The following MPG variants were observed in gnomAD, a reference collection of about 807,000 sequenced individuals.
MPG encodes N-methylpurine DNA glycosylase, also known as DNA-3-methyladenine glycosylase.
A neutral mutation model predicts 31.7 loss-of-function variants in MPG; 33 were observed. The observed-to-expected ratio is 1.04, with a 90% confidence interval of 0.79 to 1.39. MPG has a LOEUF of 1.39. MPG is among the 40% of genes most tolerant of loss of function. The pLI, the probability that MPG is intolerant of heterozygous loss-of-function variation, is 0.00. For synonymous variants in MPG, 202 were observed against 169.2 expected, an observed-to-expected ratio of 1.19 and a Z score of -1.51; for missense variants, 455 against 415.5, an observed-to-expected ratio of 1.10 and a Z score of -0.83.
At chr16:80,480 T>C (rs3176402) in intron 2 of MPG, among the ~76,000 whole-genome samples, 96 of 152,338 alleles carry the variant, frequency 6.3e-4, no homozygotes, top group African/African-American at 2.3e-3. Flanking sequence ...GAGAACATTC[T>C]GTCCCCATGC....
At chr16:80,472 G>A (rs1214143071) in intron 2 of MPG, among the ~76,000 whole-genome samples, 1 of 152,230 alleles carries the variant, frequency 6.6e-6, no homozygotes, top group Non-Finnish European at 1.5e-5. Context: ...GGAGAACAGA[G>A]AACATTCTGT....
chr16:78,538 G>C (rs1320282559), intron 1 of MPG, among the ~76,000 whole-genome samples: 1 of 152,206 alleles, frequency 6.6e-6, no homozygotes, highest in Non-Finnish European at 1.5e-5. Flanking sequence ...CCCACGGCGC[G>C]CTGGCAGCGC....
upstream of MPG, chr16:78,121 C>T (rs1310748989): frequency 2.2e-5 from 8 of 362,958 alleles, no homozygotes; most frequent in Non-Finnish European, 3.4e-5. Flanking sequence ...GAGGATCCAC[C>T]TCCACGTGGC....
rs1271976685 is a variant in MPG, at chr16:85,646, G to T, written c.751G>T (p.Val251Leu). Residue 251 changes from valine (V) to leucine (L), a missense_variant, in exon 4 of 4, where the codon GTA (valine) becomes TTA (leucine). By Grantham distance (32) the Val-to-Leu change is conservative. Transcript: ENST00000356432. ...TCCCCTGGAGCCCAGTGAGCCGGCT[G>T]TAGTGGCAGCAGCCCGGGTGGGCGT... Reference protein sequence around the residue: ...RGPLEPSEPAVVAAARVGVGH... With the variant: ...RGPLEPSEPALVAAARVGVGH... 6.3e-7 allele frequency: 1 copy of T among 1,590,950 alleles called. No individual in the cohort carries two copies. Among genetic ancestry groups the T allele is most frequent in the Non-Finnish European group, 8.6e-7 (1 of 1,164,432 alleles).
Position 85,763 on chromosome 16 carries a change from G to A in MPG, c.868G>A (p.Asp290Asn), listed in dbSNP as rs748046554. The change falls in exon 4 of 4, where the codon GAC becomes AAC. Residue 290 changes from aspartate to asparagine, a missense_variant. Transcript: ENST00000356432. ...TGTGGTCGACAGAGTGGCTGAGCAGGACACACAGGCCTGAGCAAAGGGCCT... is the reference window on the plus strand; with the variant it reads ...TGTGGTCGACAGAGTGGCTGAGCAGAACACACAGGCCTGAGCAAAGGGCCT... Reference protein sequence around the residue: ...VSVVDRVAEQDTQA With the variant: ...VSVVDRVAEQNTQA 2.0e-6 allele frequency: 3 copies of A among 1,509,192 alleles called. No individual in the cohort carries two copies. The highest frequency in any genetic ancestry group is 4.5e-5 in the Admixed American group (2 of 44,088). The allele number at this position is 1,509,192 out of a possible 1,614,324, so 93.5% of individuals were successfully genotyped here. A position where few individuals can be genotyped will look rare whatever the true frequency, so the allele number is the denominator to read the frequency against.
chr16:84,830 G>T (rs1898375505), intron 3 of MPG, among the ~76,000 whole-genome samples: 1 of 152,172 alleles, frequency 6.6e-6, no homozygotes, highest in Non-Finnish European at 1.5e-5. Flanking sequence ...CCAACATCCG[G>T]TGCACACTGG....
intron 2 of MPG, among the ~76,000 whole-genome samples, chr16:80,184 C>T (rs1898202124): frequency 6.6e-6 from 1 of 152,222 alleles, no homozygotes; most frequent in Admixed American, 6.5e-5. Context: ...CAGGTCCCAT[C>T]CTGGTGGGGC....
chr16:83,224 G>C lies in MPG; in HGVS notation c.473G>C (p.Gly158Ala), dbSNP rs184674571. The change falls in exon 3 of 4, where the codon GGC becomes GCC. Residue 158 changes from glycine (G) to alanine (A), a missense_variant. Gly to Ala is a moderately conservative substitution (Grantham distance 60). Transcript: ENST00000356432. ...PGTLYVYIIY[G>A]MYFCMNISSQ... ...ACCCTGTACGTGTACATCATTTACG[G>C]CATGTACTTCTGCATGAACATCTCC... 2.5e-6 allele frequency: 4 copies of C among 1,612,706 alleles called. No homozygotes were observed. Among genetic ancestry groups the C allele is most frequent in the Non-Finnish European group, 3.4e-6 (4 of 1,179,794 alleles).
chr16:83,020 T>C, intron 2 of MPG, 32 bp from the exon 3 acceptor site: 1 of 1,552,712 alleles, frequency 6.4e-7, no homozygotes, highest in Non-Finnish European at 8.7e-7. Flanking sequence ...CCCCATCCCT[T>C]CCCGCCCTGA....
upstream of MPG, chr16:78,195 T>G: frequency 1.0e-6 from 1 of 990,202 alleles, no homozygotes; most frequent in Non-Finnish European, 1.3e-6. Flanking sequence ...CCGGCTTCCG[T>G]CCCCTTCTGC....
At chr16:82,945 GGCGGCTGACACACCCTGA>G (rs1898291098) in intron 2 of MPG, 89 bp from the exon 3 acceptor site, 8 of 957,368 alleles carry the variant, frequency 8.4e-6, no homozygotes, top group Non-Finnish European at 1.3e-5. Context: ...GCTAGACCTG[GGCGGCTGACACACCCTGA>G]GCTGGGGAGA....
chr16:78,043 C>T (rs946660548), upstream of MPG: 1 of 300,232 alleles, frequency 3.3e-6, no homozygotes, highest in Non-Finnish European at 6.1e-6. Context: ...GCCCCTTCCC[C>T]GCTCTCGCCT....
intron 3 of MPG, 83 bp downstream of exon 3, chr16:83,339 G>C: frequency 7.3e-7 from 1 of 1,377,090 alleles, no homozygotes; most frequent in South Asian, 1.2e-5. Flanking sequence ...GGAGGACTGA[G>C]GTGGGGCCAG....
In MPG at chr16:78,260, G is replaced by T. The variant is rs1596482606; in HGVS notation, c.-50G>T. Reference sequence around the variant, plus strand: ...GTGCTTCCGTGGTCGGCGGCTGCTGGGCTCCGCGCCGGGGTCCGAGTCCCA... The same window carrying T: ...GTGCTTCCGTGGTCGGCGGCTGCTGTGCTCCGCGCCGGGGTCCGAGTCCCA... On this transcript the variant is annotated 5_prime_UTR_variant, in exon 1 of 4. Transcript: ENST00000356432. 6 of 1,369,368 alleles carry T rather than the reference G, an allele frequency of 4.4e-6. 1 individual carries two copies. Among genetic ancestry groups the T allele is most frequent in the East Asian group, 3.2e-5 (1 of 30,968 alleles). 84.8% of individuals were successfully genotyped at this position (1,369,368 alleles called of 1,614,324 possible).
chr16:77,150 A>G (rs1898109904), upstream of MPG: 1 of 152,334 alleles, frequency 6.6e-6, no homozygotes, highest in Non-Finnish European at 1.5e-5. Flanking sequence ...GACCAGGGTC[A>G]CAGAAGTCAA....
At chr16:78,646 A>C (rs374095035) in intron 1 of MPG, among the ~76,000 whole-genome samples, 2 of 152,118 alleles carry the variant, frequency 1.3e-5, no homozygotes, top group African/African-American at 4.8e-5. Flanking sequence ...AAAATAATGC[A>C]TCTCTCCCAT....
rs769191 is a variant in MPG at position 85,477 on chromosome 16, C to T, written c.582C>T (p.Thr194=). 915 of 1,613,168 alleles carry T rather than the reference C, an allele frequency of 5.7e-4. 4 individuals are homozygous for T. In the African/African-American group the frequency reaches 5.9e-3, roughly 10 times the overall value. ...GLETMRQLRS[T]LRKGTASRVL... is the part of the protein sequence containing the mutation. ...AGACCATGCGTCAGCTTCGCAGCAC[C>T]CTCCGGAAAGGCACCGCCAGCCGTG... The change falls in exon 4 of 4, where the codon ACC becomes ACT. Residue 194 remains threonine, a synonymous_variant. Transcript: ENST00000356432.
upstream of MPG, among the ~76,000 whole-genome samples, chr16:77,798 G>A (rs1431862021): frequency 6.6e-6 from 1 of 152,030 alleles, no homozygotes; most frequent in Non-Finnish European, 1.5e-5. Flanking sequence ...TCACTCCGCT[G>A]GCACCCCACC....
intron 1 of MPG, 152 bp downstream of exon 1, chr16:78,485 A>G (rs1898152480): frequency 1.4e-6 from 1 of 711,490 alleles, no homozygotes; most frequent in South Asian, 6.7e-5. Flanking sequence ...GCCAAGGGCC[A>G]AGCTCGGGCC....
Sources: gnomAD v4.1 joint callset for allele counts (sites outside exome capture counted in the v4.1 genomes callset) on GRCh38, gnomAD v4.1.1 for gene constraint, MANE v1.5 for transcripts, NCBI Gene and HGNC (gene_info 2026-07-23, HGNC 2026-07-21) for gene names.